Variants in WNT3A observed in about 807,000 individuals in gnomAD.
WNT3A encodes the protein protein Wnt-3a.
WNT3A carries 17 observed loss-of-function variants against 37.0 expected under a neutral mutation model. The observed-to-expected ratio is 0.46, with a 90% CI of 0.31 to 0.69. The LOEUF (loss-of-function observed/expected upper bound fraction) is 0.69, where lower values mean the gene tolerates loss of function less well. Ranked by LOEUF, WNT3A falls within the 30% of genes least tolerant of loss-of-function variation. The probability of loss-of-function intolerance (pLI) is 0.05; values close to 1 mark genes in which losing one functional copy is unlikely to be tolerated. For synonymous variants in WNT3A, 187 were observed against 211.0 expected, an observed-to-expected ratio of 0.89 and a Z score of 0.99; for missense variants, 411 against 510.2, an observed-to-expected ratio of 0.81 and a Z score of 1.87.
chr1:228,050,164 G>A lies in WNT3A; in HGVS notation c.314-492G>A, dbSNP rs893968211. Among the ~76,000 whole-genome samples, 3 of 151,732 alleles carry A rather than the reference G, an allele frequency of 2.0e-5. No homozygotes were observed. The highest frequency in any genetic ancestry group is 4.4e-5 in the Non-Finnish European group (3 of 67,956). Reference sequence around the variant, plus strand: ...CTTCCTGGGCTCAAGTGATCCTCCCGCCTCAGCCTCCCAAGTAGTTGGGGC... The same window carrying A: ...CTTCCTGGGCTCAAGTGATCCTCCCACCTCAGCCTCCCAAGTAGTTGGGGC... On this transcript the variant is annotated intron_variant, in intron 2 of 3. Transcript: ENST00000284523. This position sits in a 1 kb window ranked among gnomAD's most constrained non-coding sequence, Gnocchi z 5.0.
At chr1:228,034,336 C>T (rs1360406373) in intron 2 of WNT3A, among the ~76,000 whole-genome samples, 1 of 152,130 alleles carries the variant, frequency 6.6e-6, no homozygotes, top group African/African-American at 2.4e-5. Flanking sequence ...TACTCTGTAA[C>T]CTTGCTGGAG....
chr1:228,058,021 C>T (rs558993731), intron 3 of WNT3A, among the ~76,000 whole-genome samples: 3 of 152,260 alleles, frequency 2.0e-5, no homozygotes, highest in Non-Finnish European at 4.4e-5. Context: ...TTAATAGACA[C>T]GTGGCTTTGC....
chr1:228,018,084 G>T (rs2030584277), intron 1 of WNT3A, among the ~76,000 whole-genome samples: 1 of 152,226 alleles, frequency 6.6e-6, no homozygotes, highest in African/African-American at 2.4e-5. Context: ...AGGTTGCATT[G>T]TATTTGATGC....
At chr1:228,041,237 A>G (rs1301650350) in intron 2 of WNT3A, among the ~76,000 whole-genome samples, 1 of 152,092 alleles carries the variant, frequency 6.6e-6, no homozygotes, top group Non-Finnish European at 1.5e-5. Context: ...GGAACCATCA[A>G]AGCTCATCTC....
chr1:228,025,037 T>C (rs2030818554), intron 2 of WNT3A, among the ~76,000 whole-genome samples: 1 of 152,228 alleles, frequency 6.6e-6, no homozygotes, highest in Non-Finnish European at 1.5e-5. Flanking sequence ...TTTTGATTGT[T>C]GTAGCTTTGT....
chr1:228,007,310 G>A lies in WNT3A; in HGVS notation c.71+111G>A. 1 of 1,092,858 alleles carries A rather than the reference G, an allele frequency of 9.2e-7. No individual in the cohort carries two copies. Among genetic ancestry groups the A allele is most frequent in the South Asian group, 1.8e-5 (1 of 54,302 alleles). 67.7% of individuals were successfully genotyped at this position (1,092,858 alleles called of 1,614,324 possible). ...CCCGAGCCCGCGCCCTTCTGCTCCA[G>A]CCCCGCGTGCGGGCCGCGGGCGGTT... is the stretch of plus-strand genomic sequence containing the variant. On this transcript the variant is annotated intron_variant, in intron 1 of 3. Coordinates refer to ENST00000284523, the MANE Select transcript of WNT3A (RefSeq NM_033131.4). This position sits in a 1 kb window ranked among gnomAD's most constrained non-coding sequence, Gnocchi z 6.0.
Position 228,040,699 on chromosome 1 carries a change from C to A in WNT3A, c.314-9957C>A, listed in dbSNP as rs573596237. On this transcript the variant is annotated intron_variant, in intron 2 of 3. Coordinates refer to ENST00000284523, the MANE Select transcript of WNT3A (RefSeq NM_033131.4). ...GAGATCGAGACCATCCTGGCTAACA[C>A]GGTGAAACCCTTTCTCTACTAAAAA... Among the ~76,000 whole-genome samples the A allele has an allele frequency of 8.6e-5, 13 of 151,816 alleles. 1 individual carries two copies. The highest frequency in any genetic ancestry group is 8.3e-4 in the South Asian group (4 of 4,802).
At chr1:228,036,635 T>C (rs1184159248) in intron 2 of WNT3A, among the ~76,000 whole-genome samples, 1 of 152,018 alleles carries the variant, frequency 6.6e-6, no homozygotes. Flanking sequence ...TAGAAAGCAT[T>C]TGAGGAATTT....
intron 1 of WNT3A, among the ~76,000 whole-genome samples, chr1:228,009,963 A>G (rs2030322335): frequency 6.6e-6 from 1 of 152,192 alleles, no homozygotes; most frequent in African/African-American, 2.4e-5. Flanking sequence ...ACAGATGTCC[A>G]GGGGCATCCA....
intron 2 of WNT3A, among the ~76,000 whole-genome samples, chr1:228,043,059 G>T (rs1489111948): frequency 6.6e-6 from 1 of 151,412 alleles, no homozygotes; most frequent in African/African-American, 2.4e-5. Context: ...ATAGATGAAT[G>T]GATAGATGGA....
chr1:228,054,175 G>T (rs2031618738), intron 3 of WNT3A, among the ~76,000 whole-genome samples: 1 of 152,082 alleles, frequency 6.6e-6, no homozygotes, highest in Non-Finnish European at 1.5e-5. Flanking sequence ...TGTTCACATG[G>T]GCAGACTAGA....
At chr1:228,048,017 C>T (rs1039604804) in intron 2 of WNT3A, among the ~76,000 whole-genome samples, 1 of 152,170 alleles carries the variant, frequency 6.6e-6, no homozygotes, top group African/African-American at 2.4e-5. Flanking sequence ...AGGATGAAAG[C>T]TCCCTGGATG....
At chr1:228,021,633 C>T (rs1222943104) in intron 1 of WNT3A, among the ~76,000 whole-genome samples, 1 of 152,210 alleles carries the variant, frequency 6.6e-6, no homozygotes, top group Non-Finnish European at 1.5e-5. Context: ...GGCTCAAAGG[C>T]CTGGGAAGAT....
intron 3 of WNT3A, among the ~76,000 whole-genome samples, chr1:228,053,101 C>A (rs767325643): frequency 6.6e-6 from 1 of 152,174 alleles, no homozygotes; most frequent in African/African-American, 2.4e-5. Context: ...ATGTTCCTCC[C>A]TTCTGGAGGA....
intron 2 of WNT3A, among the ~76,000 whole-genome samples, chr1:228,023,270 A>G (rs972994041): frequency 2.0e-5 from 3 of 151,514 alleles, no homozygotes; most frequent in Non-Finnish European, 4.4e-5. Context: ...CACCCTAGAG[A>G]AGAAAGAGAG....
rs971227991 is a variant in WNT3A, at chr1:228,031,859, C to T, written c.313+8951C>T. ...CAAGAGCACCAGACTGGGCCCTGTG[C>T]CATGTGCTTGCTGGCTCCAGAGCCA... On this transcript the variant is annotated intron_variant, in intron 2 of 3. Transcript: ENST00000284523. The surrounding 1 kb of genome is among the most constrained non-coding windows in gnomAD (Gnocchi z 4.8). Among the ~76,000 whole-genome samples, 4 of 152,116 alleles carry T rather than the reference C, an allele frequency of 2.6e-5. No homozygotes were observed. Among genetic ancestry groups the T allele is most frequent in the African/African-American group, 9.7e-5 (4 of 41,394 alleles).
chr1:228,056,863 A>C (rs1442725799), intron 3 of WNT3A, among the ~76,000 whole-genome samples: 3 of 152,380 alleles, frequency 2.0e-5, no homozygotes, highest in Non-Finnish European at 2.9e-5. Context: ...AGAAAACAGT[A>C]ATAATACTTT....
At chr1:228,057,865 C>T (rs1002883671) in intron 3 of WNT3A, among the ~76,000 whole-genome samples, 2 of 152,222 alleles carry the variant, frequency 1.3e-5, no homozygotes, top group African/African-American at 2.4e-5. Context: ...GAGACAGACT[C>T]TCGCCCTGTA....
Position 228,056,156 on chromosome 1 carries a change from T to C in WNT3A, c.580-2830T>C, listed in dbSNP as rs114729135. 3.1e-3 allele frequency among the ~76,000 whole-genome samples: 466 copies of C among 152,334 alleles called. 3 individuals are homozygous for C. The highest frequency in any genetic ancestry group is 0.01 in the African/African-American group (433 of 41,576). On this transcript the variant is annotated intron_variant, in intron 3 of 3. Transcript: ENST00000284523. The stretch of plus-strand genomic sequence containing the variant: ...GATCACTCTATAGAGAGGACCAAAG[T>C]TGACAAGTCTCTCCCATGTACAGGA...
Sources: allele counts gnomAD v4.1 joint callset (sites outside exome capture counted in the v4.1 genomes callset), GRCh38; gene constraint gnomAD v4.1.1; non-coding constraint Gnocchi (gnomAD v3.1); transcripts MANE v1.5; gene names NCBI Gene and HGNC (gene_info 2026-07-23, HGNC 2026-07-21).